The following RHEB variants were observed in gnomAD, a reference collection of about 807,000 sequenced individuals.
RHEB encodes the protein Ras homolog, mTORC1 binding.
Under a neutral mutation model 28.8 loss-of-function variants are expected in RHEB, and 2 were observed. The ratio of observed to expected loss-of-function variants is 0.07; its 90% CI spans 0.03 to 0.22. The LOEUF is 0.22. Ranked by LOEUF, RHEB falls within the 10% of genes least tolerant of loss-of-function variation. The pLI is 1.00. For synonymous variants in RHEB, 69 were observed against 77.3 expected, an observed-to-expected ratio of 0.89 and a Z score of 0.56; for missense variants, 76 against 219.9, an observed-to-expected ratio of 0.35 and a Z score of 4.14.
chr7:151,501,194 A>G (rs1802766595), intron 1 of RHEB, among the ~76,000 whole-genome samples: 1 of 152,220 alleles, frequency 6.6e-6, no homozygotes, highest in Non-Finnish European at 1.5e-5. Context: ...AAGACAGGCC[A>G]CAGACTGGGA....
chr7:151,481,788 C>G (rs1216577420), intron 3 of RHEB, among the ~76,000 whole-genome samples: 2 of 152,204 alleles, frequency 1.3e-5, no homozygotes, highest in Non-Finnish European at 2.9e-5. Flanking sequence ...TGTAATATAA[C>G]CCGAAGGGGC....
At chr7:151,471,060 G>T (rs953982341) in intron 6 of RHEB, among the ~76,000 whole-genome samples, 3 of 152,234 alleles carry the variant, frequency 2.0e-5, no homozygotes, top group African/African-American at 7.2e-5. Flanking sequence ...AAGCTGCCTG[G>T]GCAGGGGACA....
chr7:151,488,410 C>T (rs1199042555), intron 2 of RHEB, among the ~76,000 whole-genome samples: 1 of 152,184 alleles, frequency 6.6e-6, no homozygotes, highest in Non-Finnish European at 1.5e-5. Context: ...AAAATAACTA[C>T]TAAATTATTT....
chr7:151,509,004 T>C (rs1319162598), intron 1 of RHEB, among the ~76,000 whole-genome samples: 2 of 152,180 alleles, frequency 1.3e-5, no homozygotes, highest in Non-Finnish European at 2.9e-5. Context: ...AATTTATTAT[T>C]ATAAAACATA....
intron 1 of RHEB, chr7:151,502,690 C>T: frequency 6.2e-7 from 1 of 1,609,740 alleles, no homozygotes; most frequent in Non-Finnish European, 8.5e-7. Context: ...AGAAGTCCTG[C>T]ACAAATTCAC....
intron 3 of RHEB, among the ~76,000 whole-genome samples, chr7:151,484,336 A>G (rs1802429882): frequency 6.6e-6 from 1 of 152,242 alleles, no homozygotes. Flanking sequence ...ATAAGTATTA[A>G]CCCTTACAAT....
At chr7:151,510,922 TAAA>T (rs572133582) in intron 1 of RHEB, among the ~76,000 whole-genome samples, 109 of 151,168 alleles carry the variant, frequency 7.2e-4, no homozygotes, top group South Asian at 2.7e-3. Flanking sequence ...TACAAAAAAA[TAAA>T]AAAATAGCCA....
chr7:151,475,694 T>C (rs1005817624), intron 4 of RHEB, among the ~76,000 whole-genome samples: 2 of 152,170 alleles, frequency 1.3e-5, no homozygotes, highest in Non-Finnish European at 2.9e-5. Flanking sequence ...TAAAATCCAA[T>C]CCAAGCATTG....
intron 7 of RHEB, among the ~76,000 whole-genome samples, chr7:151,467,642 G>A (rs1310779819): frequency 6.6e-6 from 1 of 152,122 alleles, no homozygotes; most frequent in East Asian, 1.9e-4. Flanking sequence ...TAAGAGGCCT[G>A]AAGTGGGGAA....
intron 4 of RHEB, among the ~76,000 whole-genome samples, chr7:151,473,058 T>A (rs1802191249): frequency 6.6e-6 from 1 of 152,184 alleles, no homozygotes; most frequent in Non-Finnish European, 1.5e-5. Flanking sequence ...GGCTCCCAGA[T>A]CTCCTGCTCT....
intron 4 of RHEB, among the ~76,000 whole-genome samples, chr7:151,473,413 C>T (rs1802201010): frequency 6.6e-6 from 1 of 152,214 alleles, no homozygotes; most frequent in African/African-American, 2.4e-5. Flanking sequence ...CTGCTGATAC[C>T]CACACTGTGG....
intron 3 of RHEB, among the ~76,000 whole-genome samples, chr7:151,478,563 T>C (rs1563092890): frequency 3.3e-5 from 5 of 152,170 alleles, no homozygotes; most frequent in Admixed American, 3.3e-4. Context: ...AAAGAAGTTA[T>C]GTCTAAGAAG....
intron 1 of RHEB, among the ~76,000 whole-genome samples, chr7:151,517,349 C>T (rs1323558839): frequency 7.8e-6 from 1 of 128,020 alleles, no homozygotes; most frequent in African/African-American, 2.9e-5. Context: ...GCCTGGGTCA[C>T]AAGAGCGAAA....
chr7:151,506,019 G>A (rs1802870565), intron 1 of RHEB, among the ~76,000 whole-genome samples: 1 of 152,126 alleles, frequency 6.6e-6, no homozygotes, highest in African/African-American at 2.4e-5. Context: ...AACTTGTGGG[G>A]ATGACGGAAT....
chr7:151,509,059 G>A (rs1009244723), intron 1 of RHEB, among the ~76,000 whole-genome samples: 1 of 152,132 alleles, frequency 6.6e-6, no homozygotes, highest in Non-Finnish European at 1.5e-5. Context: ...AAAAGATCTA[G>A]AGAAAGAGTC....
chr7:151,487,926 T>C (rs1802511611), intron 2 of RHEB, among the ~76,000 whole-genome samples: 1 of 152,230 alleles, frequency 6.6e-6, no homozygotes. Context: ...AAAGCAAGAT[T>C]TGTGTTACTA....
intron 1 of RHEB, among the ~76,000 whole-genome samples, chr7:151,500,377 AG>A (rs1269362453): frequency 2.6e-5 from 4 of 152,240 alleles, no homozygotes; most frequent in African/African-American, 7.2e-5. Flanking sequence ...AAGACTTACT[AG>A]GAGTCTAAAG....
chr7:151,499,552 A>C (rs1802734132), intron 1 of RHEB, among the ~76,000 whole-genome samples: 1 of 152,174 alleles, frequency 6.6e-6, no homozygotes, highest in Non-Finnish European at 1.5e-5. Flanking sequence ...TATAAAGCAC[A>C]GTACCTGGCA....
intron 1 of RHEB, chr7:151,498,275 A>C (rs1802708773): frequency 1.8e-6 from 1 of 561,210 alleles, no homozygotes; most frequent in Non-Finnish European, 3.1e-6. Context: ...GGGAAACATC[A>C]ATGAAAGAAA....
Sources: allele counts gnomAD v4.1 joint callset (sites outside exome capture counted in the v4.1 genomes callset), GRCh38; gene constraint gnomAD v4.1.1; transcripts MANE v1.5; gene names NCBI Gene and HGNC (gene_info 2026-07-23, HGNC 2026-07-21).